Variants in RFX8 observed in about 807,000 individuals in gnomAD.
RFX8 encodes the protein DNA-binding protein RFX8.
A neutral mutation model predicts 54.6 loss-of-function variants in RFX8; 46 were observed. That is an observed-to-expected ratio of 0.84 (90% confidence interval 0.67 to 1.08). RFX8 has a LOEUF of 1.08. RFX8 is among the 50% of genes least tolerant of loss of function. RFX8 has a pLI of 0.00. For synonymous variants in RFX8, 192 were observed against 209.5 expected, an observed-to-expected ratio of 0.92 and a Z score of 0.72; for missense variants, 536 against 562.3, an observed-to-expected ratio of 0.95 and a Z score of 0.47.
intron 2 of RFX8, among the ~76,000 whole-genome samples, chr2:101,435,524 C>T (rs1687730853): frequency 6.6e-6 from 1 of 152,154 alleles, no homozygotes. Flanking sequence ...AGCTGTTTCT[C>T]CAGATGTGAT....
chr2:101,453,467 G>T (rs1037408217), intron 2 of RFX8, among the ~76,000 whole-genome samples: 2 of 151,866 alleles, frequency 1.3e-5, no homozygotes, highest in South Asian at 4.2e-4. Flanking sequence ...GTGAAAACCC[G>T]TCTCTACTAA....
chr2:101,410,012 T>C (rs1404377158), intron 9 of RFX8, among the ~76,000 whole-genome samples: 1 of 152,142 alleles, frequency 6.6e-6, no homozygotes, highest in Non-Finnish European at 1.5e-5. Flanking sequence ...GAAACCATCT[T>C]TGGGCTTTTG....
At chr2:101,417,307 T>G (rs144493656) in intron 6 of RFX8, among the ~76,000 whole-genome samples, 25 of 152,188 alleles carry the variant, frequency 1.6e-4, no homozygotes, top group African/African-American at 5.8e-4. Context: ...TGGGCTCAAG[T>G]GATCTTCCCG....
chr2:101,471,151 T>C (rs975108939), intron 1 of RFX8, among the ~76,000 whole-genome samples: 1 of 151,854 alleles, frequency 6.6e-6, no homozygotes, highest in Non-Finnish European at 1.5e-5. Flanking sequence ...GTGGCTAACA[T>C]GGCGAAACCC....
chr2:101,435,622 T>A (rs927303137), intron 2 of RFX8, among the ~76,000 whole-genome samples: 17 of 152,172 alleles, frequency 1.1e-4, no homozygotes, highest in African/African-American at 3.9e-4. Context: ...TAAAATATTT[T>A]ATACTTTGGC....
chr2:101,463,331 G>A (rs370721322), intron 2 of RFX8, among the ~76,000 whole-genome samples: 43 of 152,226 alleles, frequency 2.8e-4, no homozygotes, highest in African/African-American at 9.4e-4. Context: ...TCCCTGGTGT[G>A]GGAGGGGTGT....
chr2:101,416,812 G>T (rs1004552309), intron 6 of RFX8, among the ~76,000 whole-genome samples: 6 of 152,184 alleles, frequency 3.9e-5, no homozygotes, highest in Non-Finnish European at 8.8e-5. Flanking sequence ...AGCAGTTCAG[G>T]CTCGCGCTTG....
intron 2 of RFX8, among the ~76,000 whole-genome samples, chr2:101,432,724 C>T (rs1386673616): frequency 2.0e-5 from 3 of 152,156 alleles, no homozygotes; most frequent in East Asian, 3.9e-4. Flanking sequence ...TAAAATACAG[C>T]GCCAAGGAAA....
chr2:101,450,015 A>G (rs1464314892), intron 2 of RFX8, among the ~76,000 whole-genome samples: 2 of 152,142 alleles, frequency 1.3e-5, no homozygotes, highest in Non-Finnish European at 2.9e-5. Context: ...TGGCAACTGG[A>G]TGACACTCAA....
At chr2:101,458,160 A>T (rs904763791) in intron 2 of RFX8, among the ~76,000 whole-genome samples, 1 of 152,044 alleles carries the variant, frequency 6.6e-6, no homozygotes, top group African/African-American at 2.4e-5. Flanking sequence ...ATGATTCTTT[A>T]TCCAATTTGC....
chr2:101,408,551 A>G (rs76413818), intron 9 of RFX8, among the ~76,000 whole-genome samples: 2,962 of 152,234 alleles, frequency 0.019, 75 homozygotes, highest in African/African-American at 0.056. Flanking sequence ...GACAATGGAC[A>G]GCGCCTGTCT....
At chr2:101,409,602 C>G (rs1345386827) in intron 9 of RFX8, among the ~76,000 whole-genome samples, 1 of 150,732 alleles carries the variant, frequency 6.6e-6, no homozygotes, top group East Asian at 2.0e-4. Flanking sequence ...TGGGTTCAAG[C>G]GATTCTCCTG....
chr2:101,447,251 T>C (rs914108035), intron 2 of RFX8, among the ~76,000 whole-genome samples: 1 of 126,968 alleles, frequency 7.9e-6, no homozygotes, highest in Non-Finnish European at 1.7e-5. Flanking sequence ...TCCAGGCTCA[T>C]CACCCTCTCC....
chr2:101,469,080 G>T (rs1458444796), intron 1 of RFX8, among the ~76,000 whole-genome samples: 1 of 8,066 alleles, frequency 1.2e-4, no homozygotes, highest in African/African-American at 7.6e-4. Context: ...ATATATATAA[G>T]TGTATATATA....
intron 11 of RFX8, among the ~76,000 whole-genome samples, chr2:101,399,446 G>T (rs149294969): frequency 0.018 from 2,703 of 152,304 alleles, 46 homozygotes; most frequent in Middle Eastern, 0.044. Flanking sequence ...CCTGACATTT[G>T]TCTGCTTGTA....
intron 2 of RFX8, among the ~76,000 whole-genome samples, chr2:101,464,143 G>C (rs1313433221): frequency 6.6e-6 from 1 of 152,230 alleles, no homozygotes; most frequent in Non-Finnish European, 1.5e-5. Context: ...ATGTGTGCAT[G>C]AGTGAGTGTG....
At chr2:101,434,507 T>G (rs1376522495) in intron 2 of RFX8, among the ~76,000 whole-genome samples, 2 of 149,512 alleles carry the variant, frequency 1.3e-5, no homozygotes, top group Admixed American at 6.7e-5. Context: ...ACTCAGCCAC[T>G]GGGGGTCAAG....
At chr2:101,472,521 T>C (rs1344195951) in intron 1 of RFX8, among the ~76,000 whole-genome samples, 4 of 30,790 alleles carry the variant, frequency 1.3e-4, no homozygotes, top group African/African-American at 2.9e-4. Context: ...CCTTGAAGAG[T>C]GGCCTATAGG....
intron 2 of RFX8, among the ~76,000 whole-genome samples, chr2:101,462,785 A>T (rs1689351582): frequency 6.6e-6 from 1 of 152,166 alleles, no homozygotes; most frequent in Non-Finnish European, 1.5e-5. Flanking sequence ...GCTGTTAAAA[A>T]TTTTACCATG....
Sources: allele counts gnomAD v4.1 joint callset (sites outside exome capture counted in the v4.1 genomes callset), GRCh38; gene constraint gnomAD v4.1.1; transcripts MANE v1.5; gene names NCBI Gene and HGNC (gene_info 2026-07-23, HGNC 2026-07-21).